Variants in GTF2IRD1 observed in about 807,000 individuals in gnomAD.
GTF2IRD1 encodes the protein GTF2I repeat domain containing 1.
Under a neutral mutation model 113.2 loss-of-function variants are expected in GTF2IRD1, and 26 were observed. The ratio of observed to expected loss-of-function variants is 0.23; its 90% CI spans 0.17 to 0.32. GTF2IRD1 has a LOEUF of 0.32. Among genes scored for constraint, GTF2IRD1 ranks in the 10% least tolerant of loss-of-function variants. The probability of loss-of-function intolerance (pLI) is 1.00; values close to 1 mark genes in which losing one functional copy is unlikely to be tolerated. For synonymous variants in GTF2IRD1, 484 were observed against 529.1 expected (o/e 0.91, Z 1.17); for missense variants, 864 against 1,280.8 (o/e 0.67, Z 4.97).
chr7:74,580,831 A>G (rs587597335), intron 22 of GTF2IRD1, among the ~76,000 whole-genome samples: 1 of 152,300 alleles, frequency 6.6e-6, no homozygotes, highest in East Asian at 1.9e-4. Context: ...CACTGGGGGC[A>G]GAAACATGAA....
intron 16 of GTF2IRD1, 85 bp from the exon 17 acceptor site, chr7:74,547,018 C>T (rs587678388): frequency 1.1e-4 from 142 of 1,256,806 alleles, no homozygotes; most frequent in Non-Finnish European, 1.5e-4. Context: ...GGCAGCTTTG[C>T]CCCCCGACAC....
Position 74,557,636 on chromosome 7 carries a change from C to T in GTF2IRD1, c.2024-3C>T, listed in dbSNP as rs781884227. 2.5e-6 allele frequency: 4 copies of T among 1,610,754 alleles called. No individual in the cohort carries two copies. ...AAACCCATAATCGTTTTGCGCTTTG[C>T]AGAAAATTATGACGCGAGGCTCTCA... On this transcript the variant is annotated splice_polypyrimidine_tract_variant and splice_region_variant and intron_variant, in intron 19 of 26. Transcript: ENST00000424337.
chr7:74,508,230 A>C, intron 2 of GTF2IRD1, 27 bp downstream of exon 2: 3 of 1,603,112 alleles, frequency 1.9e-6, no homozygotes, highest in Non-Finnish European at 2.6e-6. Context: ...ACCCAAGAGG[A>C]GGGGACAGGG....
chr7:74,589,729 A>G, intron 22 of GTF2IRD1, 122 bp from the exon 23 acceptor site: 1 of 604,610 alleles, frequency 1.7e-6, no homozygotes, highest in Non-Finnish European at 3.0e-6. Flanking sequence ...GCTATATAGG[A>G]GTGGGTCGGC....
intron 1 of GTF2IRD1, among the ~76,000 whole-genome samples, chr7:74,464,609 G>T (rs1287558464): frequency 6.6e-6 from 1 of 151,894 alleles, no homozygotes; most frequent in African/African-American, 2.4e-5. Flanking sequence ...CACCACACCC[G>T]GCTAATTTTT....
chr7:74,579,998 G>A (rs1323497175), intron 22 of GTF2IRD1, among the ~76,000 whole-genome samples: 2 of 152,098 alleles, frequency 1.3e-5, no homozygotes, highest in Non-Finnish European at 2.9e-5. Context: ...CATGAGCACT[G>A]GCCTGGGCAC....
Position 74,504,931 on chromosome 7 carries a change from C to T in GTF2IRD1, c.-6-3144C>T, listed in dbSNP as rs551572372. On this transcript the variant is annotated intron_variant, in intron 1 of 26. Coordinates refer to ENST00000424337, the MANE Select transcript of GTF2IRD1 (RefSeq NM_005685.4). ...CCATGTTGTCCAGGCCGGTCTCAAA[C>T]TCCTGACCTCAAGTGATCTGCCTGC... Among the ~76,000 whole-genome samples the T allele has an allele frequency of 5.9e-5, 9 of 152,186 alleles. No homozygotes were observed. The South Asian group carries it at 1.9e-3, about 32-fold the overall frequency.
chr7:74,500,265 C>T (rs1217182920), intron 1 of GTF2IRD1, among the ~76,000 whole-genome samples: 1 of 152,080 alleles, frequency 6.6e-6, no homozygotes, highest in Non-Finnish European at 1.5e-5. Flanking sequence ...ATTAGAAGAA[C>T]CACCTCATGG....
chr7:74,522,244 T>TAAA (rs79083668), intron 7 of GTF2IRD1, among the ~76,000 whole-genome samples: 38 of 142,492 alleles, frequency 2.7e-4, no homozygotes, highest in African/African-American at 9.4e-4. Context: ...GTGATATATT[T>TAAA]AAAAAAAAAA....
chr7:74,542,468 T>G (rs587717263), intron 14 of GTF2IRD1, among the ~76,000 whole-genome samples: 42 of 152,248 alleles, frequency 2.8e-4, no homozygotes, highest in Admixed American at 2.2e-3. Context: ...GAGGAAAAAT[T>G]GATTGTGCTT....
chr7:74,491,001 G>A lies in GTF2IRD1; in HGVS notation c.-6-17074G>A, dbSNP rs191292853. 4.3e-3 allele frequency among the ~76,000 whole-genome samples: 650 copies of A among 152,154 alleles called. 5 individuals carry two copies. The highest frequency in any genetic ancestry group is 6.2e-3 in the Non-Finnish European group (424 of 68,012). ...CTGTAACACGGGCCACACAGACTTCGTGCCTTAAAGCAACAGAAATTTCAG... is the reference window on the plus strand; with the variant it reads ...CTGTAACACGGGCCACACAGACTTCATGCCTTAAAGCAACAGAAATTTCAG... On this transcript the variant is annotated intron_variant, in intron 1 of 26. Transcript: ENST00000424337.
At chr7:74,552,348 A>G (rs1240959129) in intron 17 of GTF2IRD1, among the ~76,000 whole-genome samples, 1 of 151,934 alleles carries the variant, frequency 6.6e-6, no homozygotes, top group Non-Finnish European at 1.5e-5. Flanking sequence ...GTGACACCCC[A>G]TTTCTAAAAA....
intron 5 of GTF2IRD1, among the ~76,000 whole-genome samples, 153 bp from the exon 6 acceptor site, chr7:74,519,256 C>A (rs1330878465): frequency 6.6e-6 from 1 of 152,218 alleles, no homozygotes; most frequent in Non-Finnish European, 1.5e-5. Context: ...AGCCTGCATC[C>A]CCACTTGTGA....
chr7:74,517,001 T>TTTGTTGTTGTTG (rs374786237), intron 4 of GTF2IRD1, among the ~76,000 whole-genome samples: 13 of 90,182 alleles, frequency 1.4e-4, no homozygotes, highest in African/African-American at 6.1e-4. Context: ...CTCTCCTGTC[T>TTTGTTGTTGTTG]TTGTTGTTGT....
chr7:74,524,213 C>T (rs879961944), intron 8 of GTF2IRD1, 59 bp downstream of exon 8: 24 of 1,051,064 alleles, frequency 2.3e-5, no homozygotes, highest in South Asian at 1.7e-4. Context: ...CATCTCATTA[C>T]GTGGCAATCA....
At chr7:74,577,081 A>G (rs1554364783) in intron 22 of GTF2IRD1, among the ~76,000 whole-genome samples, 1 of 151,988 alleles carries the variant, frequency 6.6e-6, no homozygotes, top group African/African-American at 2.4e-5. Flanking sequence ...TCTGTCGCCC[A>G]GGCTGGAGTG....
chr7:74,501,586 C>T (rs1007508638), intron 1 of GTF2IRD1, among the ~76,000 whole-genome samples: 2 of 152,158 alleles, frequency 1.3e-5, no homozygotes, highest in Non-Finnish European at 2.9e-5. Context: ...TCCTCTTTGG[C>T]TGTCCCCTCT....
At chr7:74,546,736 G>C (rs587685809) in intron 16 of GTF2IRD1, among the ~76,000 whole-genome samples, 2 of 148,274 alleles carry the variant, frequency 1.3e-5, no homozygotes, top group African/African-American at 5.0e-5. Flanking sequence ...GGGCCTTACT[G>C]GAAGGGCGAG....
At chr7:74,503,890 T>C (rs1554340230) in intron 1 of GTF2IRD1, among the ~76,000 whole-genome samples, 2 of 152,186 alleles carry the variant, frequency 1.3e-5, no homozygotes, top group African/African-American at 4.8e-5. Context: ...ATAAGTCGTT[T>C]TTCAGCCCCT....
Sources: gnomAD v4.1 joint callset for allele counts (sites outside exome capture counted in the v4.1 genomes callset) on GRCh38, gnomAD v4.1.1 for gene constraint, MANE v1.5 for transcripts, NCBI Gene and HGNC (gene_info 2026-07-23, HGNC 2026-07-21) for gene names.